RGPD2: variants seen among roughly 807,000 people sequenced by gnomAD.
The protein encoded by RGPD2 is RANBP2 like and GRIP domain containing 2, also known as RANBP2-like and GRIP domain-containing protein 2.
A neutral mutation model predicts 36.0 loss-of-function variants in RGPD2; 2 were observed. The observed-to-expected ratio is 0.06, with a 90% CI of 0.02 to 0.17. The LOEUF (loss-of-function observed/expected upper bound fraction) is 0.17. Among genes scored for constraint, RGPD2 ranks in the 10% least tolerant of loss-of-function variants. The pLI is 1.00. For synonymous variants in RGPD2, 19 were observed against 163.8 expected, an observed-to-expected ratio of 0.12 and a Z score of 6.75; for missense variants, 40 against 464.3, an observed-to-expected ratio of 0.09 and a Z score of 8.40.
intron 6 of RGPD2, among the ~76,000 whole-genome samples, chr2:87,807,385 T>C (rs1311956092): frequency 1.6e-5 from 2 of 126,308 alleles, no homozygotes; most frequent in African/African-American, 7.2e-5. Context: ...AAATTGTTTT[T>C]TTTTTTTTTT....
chr2:87,915,197 A>G, the RGPD2 span, among the ~76,000 whole-genome samples: 1 of 150,836 alleles, frequency 6.6e-6, no homozygotes, highest in Non-Finnish European at 1.5e-5. Context: ...TATATAATGA[A>G]GTACTTAGAC....
the RGPD2 span, chr2:87,985,765 T>C: frequency 3.0e-5 from 48 of 1,610,054 alleles, no homozygotes; most frequent in Admixed American, 1.5e-4. Context: ...TTAAAACCCA[T>C]CACGTTCATG....
At chr2:87,867,783 A>T in the RGPD2 span, among the ~76,000 whole-genome samples, 19 of 146,352 alleles carry the variant, frequency 1.3e-4, no homozygotes, top group African/African-American at 4.2e-4. Flanking sequence ...TAATATATAT[A>T]ATTATAATAT....
chr2:87,911,489 T>C, the RGPD2 span, among the ~76,000 whole-genome samples: 1 of 152,006 alleles, frequency 6.6e-6, no homozygotes, highest in Non-Finnish European at 1.5e-5. Context: ...GCACCTGAAG[T>C]AAATTAAATC....
chr2:87,825,638 T>TCGAGGCCGC lies in RGPD2; in HGVS notation c.72+19_72+20insGCGGCCTCG, dbSNP rs1686770547. ...CGCCCGGCCAGGTCGAGGCCGTCGG[T>TCGAGGCCGC]CTCTTCGAGATCCACTCACCTTTCC... On this transcript the variant is annotated intron_variant, in intron 1 of 22. Transcript: ENST00000398146. 1 of 1,533,056 alleles carries TCGAGGCCGC rather than the reference T, an allele frequency of 6.5e-7. No homozygotes were observed. The highest frequency in any genetic ancestry group is 1.5e-5 in the African/African-American group (1 of 66,900). The allele number at this position is 1,533,056 out of a possible 1,614,324, so 95.0% of individuals were successfully genotyped here. A position where few individuals can be genotyped will look rare whatever the true frequency, so the allele number is the denominator to read the frequency against.
At chr2:87,919,160 T>C in the RGPD2 span, among the ~76,000 whole-genome samples, 10 of 151,978 alleles carry the variant, frequency 6.6e-5, no homozygotes, top group Non-Finnish European at 1.3e-4. Context: ...AATACCAAAA[T>C]TTATGATAAG....
intron 6 of RGPD2, among the ~76,000 whole-genome samples, chr2:87,809,313 A>G (rs1686067189): frequency 6.6e-6 from 1 of 151,416 alleles, no homozygotes; most frequent in African/African-American, 2.4e-5. Context: ...TCAAAAAAAA[A>G]AAAGATCGAG....
the RGPD2 span, among the ~76,000 whole-genome samples, chr2:87,955,017 T>TA: frequency 7.9e-5 from 3 of 38,210 alleles, no homozygotes; most frequent in Admixed American, 4.2e-4. Flanking sequence ...TTTTTTTTTT[T>TA]TTTGTTTGAG....
the RGPD2 span, among the ~76,000 whole-genome samples, chr2:87,952,258 T>C: frequency 2.6e-5 from 4 of 152,152 alleles, no homozygotes; most frequent in Non-Finnish European, 4.4e-5. Context: ...CAATTAGATA[T>C]GGGAGAGAGT....
the RGPD2 span, among the ~76,000 whole-genome samples, chr2:87,896,682 G>T: frequency 2.2e-5 from 1 of 44,958 alleles, no homozygotes; most frequent in Non-Finnish European, 4.6e-5. Flanking sequence ...TTGAAGTCAT[G>T]GCAAACATAA....
chr2:87,940,252 T>C, the RGPD2 span, among the ~76,000 whole-genome samples: 1 of 152,150 alleles, frequency 6.6e-6, no homozygotes, highest in East Asian at 1.9e-4. Flanking sequence ...CTAGGCTGTT[T>C]GTAAGCGGAC....
chr2:87,935,379 G>A, the RGPD2 span, among the ~76,000 whole-genome samples: 18 of 150,112 alleles, frequency 1.2e-4, no homozygotes, highest in East Asian at 1.6e-3. Flanking sequence ...TGGTATCTAC[G>A]AAAGTTGTCA....
At chr2:87,980,039 T>C in the RGPD2 span, among the ~76,000 whole-genome samples, 1 of 151,292 alleles carries the variant, frequency 6.6e-6, no homozygotes, top group Admixed American at 6.6e-5. Flanking sequence ...AAAAAACATA[T>C]TTGGACCACT....
At chr2:87,961,629 G>A in the RGPD2 span, among the ~76,000 whole-genome samples, 2 of 142,690 alleles carry the variant, frequency 1.4e-5, no homozygotes, top group African/African-American at 5.2e-5. Flanking sequence ...TTGAAACTGA[G>A]AGGCGAGGGT....
At chr2:87,986,680 A>T in the RGPD2 span, among the ~76,000 whole-genome samples, 5 of 151,262 alleles carry the variant, frequency 3.3e-5, no homozygotes, top group Non-Finnish European at 7.4e-5. Context: ...AGGAGTTCGA[A>T]ACCAGCCTGA....
chr2:87,924,656 T>C, the RGPD2 span, among the ~76,000 whole-genome samples: 20 of 151,168 alleles, frequency 1.3e-4, no homozygotes, highest in Admixed American at 1.3e-3. Context: ...GGCAACTACC[T>C]TGTCTGCTTT....
the RGPD2 span, among the ~76,000 whole-genome samples, chr2:87,914,927 C>T: frequency 2.6e-5 from 4 of 152,134 alleles, no homozygotes; most frequent in African/African-American, 9.7e-5. Flanking sequence ...GCAGGCGGAT[C>T]ACCTAAGGTT....
At chr2:87,853,522 CT>C in the RGPD2 span, among the ~76,000 whole-genome samples, 6 of 151,398 alleles carry the variant, frequency 4.0e-5, no homozygotes, top group Middle Eastern at 3.4e-3. Context: ...CACACCTGGC[CT>C]TTTAACTCTA....
At chr2:87,986,570 C>T in the RGPD2 span, among the ~76,000 whole-genome samples, 1 of 151,902 alleles carries the variant, frequency 6.6e-6, no homozygotes. Flanking sequence ...GATGTTCTAG[C>T]TCGGGTGACA....
Sources: gnomAD v4.1 joint callset for allele counts (sites outside exome capture counted in the v4.1 genomes callset) on GRCh38, gnomAD v4.1.1 for gene constraint, MANE v1.5 for transcripts, NCBI Gene and HGNC (gene_info 2026-07-23, HGNC 2026-07-21) for gene names.